The following RBFOX1 variants were observed in gnomAD, a reference collection of about 807,000 sequenced individuals.
The protein encoded by RBFOX1 is RNA binding fox-1 homolog 1.
A neutral mutation model predicts 57.7 loss-of-function variants in RBFOX1; 8 were observed. The ratio of observed to expected loss-of-function variants is 0.14; its 90% CI spans 0.08 to 0.25. The LOEUF (loss-of-function observed/expected upper bound fraction) is 0.25, where lower values mean the gene tolerates loss of function less well. Among genes scored for constraint, RBFOX1 ranks in the 10% least tolerant of loss-of-function variants. The pLI is 1.00. For synonymous variants in RBFOX1, 326 were observed against 222.4 expected (o/e 1.47, Z -4.15); for missense variants, 611 against 548.5 (o/e 1.11, Z -1.14).
At chr16:5,544,726 A>T (rs182006804) in intron 2 of RBFOX1, among the ~76,000 whole-genome samples, 3 of 152,288 alleles carry the variant, frequency 2.0e-5, no homozygotes, top group Admixed American at 1.3e-4. Context: ...AATAAGGCAT[A>T]ACTATATCTT....
At chr16:5,343,959 G>T (rs2151300560) in intron 1 of RBFOX1, among the ~76,000 whole-genome samples, 1 of 152,296 alleles carries the variant, frequency 6.6e-6, no homozygotes, top group South Asian at 2.1e-4. Context: ...GAACGCTTGA[G>T]CATATGTAAC....
intron 1 of RBFOX1, among the ~76,000 whole-genome samples, chr16:5,243,682 A>T (rs2062225486): frequency 6.6e-6 from 1 of 152,014 alleles, no homozygotes; most frequent in South Asian, 2.1e-4. Context: ...ATTGGTCTAC[A>T]CTTGTGGAAA....
intron 3 of RBFOX1, among the ~76,000 whole-genome samples, chr16:7,023,018 G>A (rs2039768186): frequency 1.3e-5 from 2 of 152,126 alleles, no homozygotes; most frequent in African/African-American, 4.8e-5. Context: ...TTAATGTGAA[G>A]GTTGAAAAAT....
intron 1 of RBFOX1, among the ~76,000 whole-genome samples, chr16:6,243,503 T>C (rs1315780361): frequency 1.3e-5 from 2 of 152,120 alleles, no homozygotes; most frequent in Non-Finnish European, 2.9e-5. Context: ...TCCACACTCC[T>C]GAGGGAGGCA....
intron 4 of RBFOX1, among the ~76,000 whole-genome samples, chr16:5,983,303 TAGTG>T (rs1180372561): frequency 6.6e-5 from 10 of 152,182 alleles, no homozygotes; most frequent in Admixed American, 3.3e-4. Flanking sequence ...TTTAAAAGCT[TAGTG>T]GGTGGGGAGG....
At chr16:6,914,679 G>C (rs142889961) in intron 3 of RBFOX1, among the ~76,000 whole-genome samples, 3 of 152,196 alleles carry the variant, frequency 2.0e-5, no homozygotes. Context: ...TTCAAGATCA[G>C]CCTGGCCAAC....
intron 1 of RBFOX1, among the ~76,000 whole-genome samples, chr16:6,196,568 C>G (rs556749294): frequency 2.6e-5 from 4 of 152,124 alleles, no homozygotes; most frequent in Admixed American, 6.6e-5. Context: ...ATCCACCCCC[C>G]AAATGTGAAT....
At chr16:7,182,603 C>T (rs2082939647) in intron 4 of RBFOX1, among the ~76,000 whole-genome samples, 1 of 152,066 alleles carries the variant, frequency 6.6e-6, no homozygotes, top group South Asian at 2.1e-4. Context: ...CTCAGTTAAG[C>T]AAAAAGGGAA....
chr16:5,664,948 C>G (rs371948255), intron 3 of RBFOX1, among the ~76,000 whole-genome samples: 2 of 146,862 alleles, frequency 1.4e-5, no homozygotes, highest in Non-Finnish European at 3.0e-5. Context: ...TATCTCTGCT[C>G]TTTTTTTTTT....
intron 3 of RBFOX1, among the ~76,000 whole-genome samples, chr16:6,761,738 C>G (rs2076635986): frequency 6.6e-6 from 1 of 151,894 alleles, no homozygotes; most frequent in South Asian, 2.1e-4. Flanking sequence ...AATTCCTGAC[C>G]TTGTGATCCA....
intron 1 of RBFOX1, among the ~76,000 whole-genome samples, chr16:6,140,679 C>T (rs2096709035): frequency 6.6e-6 from 1 of 152,198 alleles, no homozygotes; most frequent in African/African-American, 2.4e-5. Context: ...GGATCTCTTA[C>T]TTGTCCCCTT....
chr16:5,751,657 C>T (rs536914699), intron 3 of RBFOX1, among the ~76,000 whole-genome samples: 5 of 152,220 alleles, frequency 3.3e-5, no homozygotes, highest in South Asian at 4.1e-4. Flanking sequence ...AGGTGAGGAG[C>T]ATTTGGAAGT....
At chr16:7,357,450 T>G (rs1596355886) in intron 4 of RBFOX1, among the ~76,000 whole-genome samples, 1 of 152,224 alleles carries the variant, frequency 6.6e-6, no homozygotes, top group African/African-American at 2.4e-5. Context: ...ACCATCCAGG[T>G]TTTTTCCACT....
intron 3 of RBFOX1, among the ~76,000 whole-genome samples, chr16:7,017,529 A>C (rs900246061): frequency 5.9e-5 from 9 of 152,218 alleles, no homozygotes; most frequent in Admixed American, 6.5e-5. Context: ...GTTTGGAAGA[A>C]GCCAACGGAA....
intron 3 of RBFOX1, among the ~76,000 whole-genome samples, chr16:5,852,367 A>T (rs2056918653): frequency 6.6e-6 from 1 of 152,154 alleles, no homozygotes; most frequent in Non-Finnish European, 1.5e-5. Context: ...AAGGAACATG[A>T]GGCAGCAAAG....
At chr16:6,074,352 A>G (rs925049859) in intron 1 of RBFOX1, among the ~76,000 whole-genome samples, 5 of 151,966 alleles carry the variant, frequency 3.3e-5, no homozygotes, top group Admixed American at 1.3e-4. Flanking sequence ...CAGCACAAAC[A>G]TTTCACCCCC....
chr16:6,996,962 T>C (rs1245612690), intron 3 of RBFOX1, among the ~76,000 whole-genome samples: 4 of 152,076 alleles, frequency 2.6e-5, no homozygotes, highest in Non-Finnish European at 2.9e-5. Context: ...ATCAAGAAAG[T>C]TTATAGGCAG....
At chr16:5,672,799 G>C (rs1418719560) in intron 3 of RBFOX1, among the ~76,000 whole-genome samples, 3 of 152,010 alleles carry the variant, frequency 2.0e-5, no homozygotes, top group African/African-American at 7.3e-5. Flanking sequence ...GGTTTCTGAT[G>C]GTCCTACCTA....
At chr16:5,647,823 C>G (rs1305039315) in intron 3 of RBFOX1, among the ~76,000 whole-genome samples, 1 of 152,158 alleles carries the variant, frequency 6.6e-6, no homozygotes, top group Non-Finnish European at 1.5e-5. Context: ...CTTCCCAACA[C>G]AGGAAGATTG....
Sources: allele counts gnomAD v4.1 joint callset (sites outside exome capture counted in the v4.1 genomes callset), GRCh38; gene constraint gnomAD v4.1.1; transcripts MANE v1.5; gene names NCBI Gene and HGNC (gene_info 2026-07-23, HGNC 2026-07-21).